Variants in CRACD observed in about 807,000 individuals in gnomAD.
CRACD encodes the protein capping protein-inhibiting regulator of actin dynamics.
Under a neutral mutation model 106.8 loss-of-function variants are expected in CRACD, and 56 were observed. The observed-to-expected ratio is 0.52, with a 90% CI of 0.42 to 0.66. The LOEUF is 0.66. CRACD is among the 30% of genes least tolerant of loss of function. The pLI is 0.00. For missense variants in CRACD, 1,730 were observed against 1,623.2 expected (o/e 1.07, Z -1.13); for synonymous variants, 754 against 670.8 (o/e 1.12, Z -1.92).
At chr4:56,233,300 A>G (rs1274373896) in intron 2 of CRACD, among the ~76,000 whole-genome samples, 1 of 151,934 alleles carries the variant, frequency 6.6e-6, no homozygotes, top group African/African-American at 2.4e-5. Flanking sequence ...AGTTTTAGAG[A>G]CAGGGCCTTG....
intron 2 of CRACD, among the ~76,000 whole-genome samples, chr4:56,211,694 G>A (rs1017238636): frequency 1.8e-4 from 27 of 152,292 alleles, no homozygotes; most frequent in African/African-American, 5.5e-4. Context: ...TGGGGAGCGC[G>A]TGCTGATTGG....
chr4:56,188,735 G>GA (rs60242539), intron 2 of CRACD, among the ~76,000 whole-genome samples: 3,951 of 147,458 alleles, frequency 0.027, 103 homozygotes, highest in Admixed American at 0.044. Context: ...GAGAGAGAGA[G>GA]GGGTTAACAT....
chr4:56,283,874 GA>G (rs1213755094), intron 3 of CRACD, among the ~76,000 whole-genome samples: 1 of 152,202 alleles, frequency 6.6e-6, no homozygotes, highest in East Asian at 1.9e-4. Context: ...GTGTGAGAGA[GA>G]AGGTTTGAAA....
chr4:56,207,122 A>G (rs1299359153), intron 2 of CRACD, among the ~76,000 whole-genome samples: 3 of 152,226 alleles, frequency 2.0e-5, no homozygotes, highest in Admixed American at 2.0e-4. Context: ...TTAAGAAACA[A>G]AAACAAAAAC....
intron 1 of CRACD, among the ~76,000 whole-genome samples, chr4:56,090,337 T>C (rs1163021131): frequency 6.6e-6 from 1 of 152,132 alleles, no homozygotes; most frequent in Admixed American, 6.6e-5. Context: ...CAGGCGTTCC[T>C]GTGGTTATTG....
chr4:56,170,841 A>C (rs1736333268), intron 1 of CRACD, among the ~76,000 whole-genome samples: 1 of 152,182 alleles, frequency 6.6e-6, no homozygotes, highest in African/African-American at 2.4e-5. Context: ...CCTATCTCTT[A>C]AAAAACTATT....
chr4:56,183,851 C>T (rs893525669), intron 2 of CRACD, among the ~76,000 whole-genome samples: 6 of 152,192 alleles, frequency 3.9e-5, no homozygotes, highest in Admixed American at 6.5e-5. Context: ...TCTGCTTTTC[C>T]TCAGTTTGCA....
At chr4:56,114,160 G>A (rs1215704770) in intron 1 of CRACD, among the ~76,000 whole-genome samples, 1 of 151,580 alleles carries the variant, frequency 6.6e-6, no homozygotes, top group Non-Finnish European at 1.5e-5. Context: ...CATGGATTTA[G>A]GCTCTTTCTG....
intron 2 of CRACD, among the ~76,000 whole-genome samples, chr4:56,206,374 A>G (rs1560483643): frequency 6.6e-6 from 1 of 152,312 alleles, no homozygotes. Flanking sequence ...GCAAGGGAGG[A>G]AAAACAATAT....
intron 1 of CRACD, among the ~76,000 whole-genome samples, chr4:56,096,769 G>A (rs1733613744): frequency 1.3e-5 from 2 of 152,204 alleles, no homozygotes; most frequent in Admixed American, 6.5e-5. Flanking sequence ...CAGTTCGATG[G>A]AACAGTGGTG....
intron 1 of CRACD, among the ~76,000 whole-genome samples, chr4:56,085,119 C>G (rs919848718): frequency 2.6e-5 from 4 of 152,082 alleles, no homozygotes; most frequent in African/African-American, 7.2e-5. Context: ...CCTGACATCT[C>G]TTCTCCACAA....
intron 2 of CRACD, among the ~76,000 whole-genome samples, chr4:56,188,972 T>C (rs1737230796): frequency 6.6e-6 from 1 of 152,090 alleles, no homozygotes; most frequent in African/African-American, 2.4e-5. Flanking sequence ...GTGCATCACC[T>C]AAGGAGTTCG....
chr4:56,218,996 C>G (rs940336822), intron 2 of CRACD, among the ~76,000 whole-genome samples: 1 of 152,140 alleles, frequency 6.6e-6, no homozygotes, highest in Non-Finnish European at 1.5e-5. Flanking sequence ...CTGAATATAG[C>G]TTACAGAATG....
intron 2 of CRACD, among the ~76,000 whole-genome samples, chr4:56,227,542 A>G (rs954647280): frequency 1.6e-4 from 25 of 152,200 alleles, no homozygotes; most frequent in Non-Finnish European, 1.2e-4. Flanking sequence ...AAAAGGCAGA[A>G]CTAGATTTTA....
At chr4:56,295,614 C>CT (rs1743963149) in intron 3 of CRACD, among the ~76,000 whole-genome samples, 1 of 145,362 alleles carries the variant, frequency 6.9e-6, no homozygotes, top group African/African-American at 2.5e-5. Flanking sequence ...GGAACTTAGC[C>CT]TAGCACTGGT....
chr4:56,077,998 A>G (rs1256172660), intron 1 of CRACD, among the ~76,000 whole-genome samples: 1 of 152,244 alleles, frequency 6.6e-6, no homozygotes, highest in Non-Finnish European at 1.5e-5. Flanking sequence ...GCACCAAATT[A>G]TGAAAAGATC....
rs879047024 is a variant in CRACD, at chr4:56,328,789, C to T, written c.*985C>T. ...TTTTTCAGACTTCGAAGGGGAGGCT[C>T]ATTCACTCAAAAAGCAACAGTGAGA... On this transcript the variant is annotated 3_prime_UTR_variant, in exon 11 of 11. Coordinates refer to ENST00000682029, the MANE Select transcript of CRACD (RefSeq NM_001393381.1). 6.6e-6 allele frequency among the ~76,000 whole-genome samples: 1 copy of T among 152,124 alleles called. No individual in the cohort carries two copies. The highest frequency in any genetic ancestry group is 1.5e-5 in the Non-Finnish European group (1 of 68,030).
chr4:56,280,809 T>TGAA (rs1742997909), intron 3 of CRACD, among the ~76,000 whole-genome samples: 1 of 152,182 alleles, frequency 6.6e-6, no homozygotes, highest in Non-Finnish European at 1.5e-5. Flanking sequence ...ATGTTACCAA[T>TGAA]GAAGTTATAC....
intron 1 of CRACD, among the ~76,000 whole-genome samples, chr4:56,141,798 A>T (rs1280539513): frequency 7.2e-6 from 1 of 138,434 alleles, no homozygotes; most frequent in Non-Finnish European, 1.5e-5. Flanking sequence ...GGCTCAAGTG[A>T]TCCTCCCTCC....
Sources: allele counts gnomAD v4.1 joint callset (sites outside exome capture counted in the v4.1 genomes callset), GRCh38; gene constraint gnomAD v4.1.1; transcripts MANE v1.5; gene names NCBI Gene and HGNC (gene_info 2026-07-23, HGNC 2026-07-21).